CADM2: variants seen among roughly 807,000 people sequenced by gnomAD.
CADM2 encodes the protein immunoglobulin superfamily member 4D.
Under a neutral mutation model 49.8 loss-of-function variants are expected in CADM2, and 12 were observed. The observed-to-expected ratio is 0.24, with a 90% CI of 0.15 to 0.39. The LOEUF is 0.39. CADM2 is among the 10% of genes least tolerant of loss of function. The pLI is 1.00. For missense variants in CADM2, 378 were observed against 492.3 expected, an observed-to-expected ratio of 0.77 and a Z score of 2.20; for synonymous variants, 214 against 175.4, an observed-to-expected ratio of 1.22 and a Z score of -1.74.
At chr3:85,673,379 C>T (rs1577061943) in intron 1 of CADM2, among the ~76,000 whole-genome samples, 1 of 151,952 alleles carries the variant, frequency 6.6e-6, no homozygotes, top group African/African-American at 2.4e-5. Flanking sequence ...ACAGGGTAGT[C>T]TCCAGGGGCT....
At chr3:85,930,641 ACT>A (rs1411505084) in intron 6 of CADM2, among the ~76,000 whole-genome samples, 14 of 151,806 alleles carry the variant, frequency 9.2e-5, no homozygotes, top group Admixed American at 2.6e-4. Flanking sequence ...CCATCCTTCT[ACT>A]CTCTATGATT....
intron 2 of CADM2, among the ~76,000 whole-genome samples, chr3:85,757,277 A>G (rs2069165809): frequency 6.6e-6 from 1 of 152,136 alleles, no homozygotes; most frequent in Non-Finnish European, 1.5e-5. Context: ...GTATTTGTTC[A>G]TGCTTTAACT....
At chr3:85,936,246 C>T (rs1274551631) in intron 7 of CADM2, among the ~76,000 whole-genome samples, 1 of 151,686 alleles carries the variant, frequency 6.6e-6, no homozygotes, top group Non-Finnish European at 1.5e-5. Context: ...TTTAAAGTTA[C>T]AAGAAGACTC....
chr3:86,042,464 A>C (rs1323436948), intron 8 of CADM2, among the ~76,000 whole-genome samples: 6 of 152,212 alleles, frequency 3.9e-5, no homozygotes, highest in Non-Finnish European at 7.3e-5. Context: ...CATGCATATA[A>C]ATTAGAAAAT....
chr3:85,618,396 G>A (rs571781238), intron 1 of CADM2, among the ~76,000 whole-genome samples: 2 of 152,128 alleles, frequency 1.3e-5, no homozygotes, highest in African/African-American at 4.8e-5. Context: ...GTAGCTAAGA[G>A]TCATTAAAGT....
chr3:85,988,751 T>A (rs978046241), intron 8 of CADM2, among the ~76,000 whole-genome samples: 12 of 152,198 alleles, frequency 7.9e-5, no homozygotes, highest in Non-Finnish European at 1.6e-4. Flanking sequence ...TCAGTTATAA[T>A]AAATTAAAAT....
chr3:86,050,609 C>T (rs1256001177), intron 8 of CADM2, among the ~76,000 whole-genome samples: 1 of 152,196 alleles, frequency 6.6e-6, no homozygotes, highest in East Asian at 1.9e-4. Context: ...CAGGCTTTTC[C>T]ATACATCCTC....
chr3:85,451,891 G>A (rs1384287542), intron 1 of CADM2, among the ~76,000 whole-genome samples: 2 of 152,040 alleles, frequency 1.3e-5, no homozygotes, highest in African/African-American at 4.8e-5. Context: ...TGATATGGAA[G>A]CATTTATTTA....
intron 1 of CADM2, among the ~76,000 whole-genome samples, chr3:85,014,803 AT>A (rs1283656803): frequency 6.6e-6 from 1 of 152,126 alleles, no homozygotes; most frequent in African/African-American, 2.4e-5. Context: ...AGGAAATTAC[AT>A]ACCATCAATG....
At chr3:85,660,254 C>T (rs1482171294) in intron 1 of CADM2, among the ~76,000 whole-genome samples, 1 of 152,054 alleles carries the variant, frequency 6.6e-6, no homozygotes, top group African/African-American at 2.4e-5. Flanking sequence ...AGTTTCTATT[C>T]TCCCTAAATG....
At chr3:85,080,367 A>C (rs2037117398) in intron 1 of CADM2, among the ~76,000 whole-genome samples, 1 of 152,010 alleles carries the variant, frequency 6.6e-6, no homozygotes, top group African/African-American at 2.4e-5. Flanking sequence ...TGTTTAGTCG[A>C]TATGTCAGGA....
At chr3:85,589,654 A>G (rs1157564564) in intron 1 of CADM2, among the ~76,000 whole-genome samples, 2 of 152,098 alleles carry the variant, frequency 1.3e-5, no homozygotes, top group East Asian at 1.9e-4. Flanking sequence ...ATTGATATTT[A>G]CATACAGTTT....
intron 1 of CADM2, among the ~76,000 whole-genome samples, chr3:85,382,898 G>T (rs2033984095): frequency 1.3e-5 from 2 of 152,128 alleles, no homozygotes; most frequent in Non-Finnish European, 2.9e-5. Context: ...TACGAGTGCT[G>T]TTAAATCAAA....
intron 1 of CADM2, among the ~76,000 whole-genome samples, chr3:85,042,882 A>G (rs114413517): frequency 2.0e-4 from 30 of 152,304 alleles, no homozygotes; most frequent in African/African-American, 7.0e-4. Flanking sequence ...AGACAGATTA[A>G]TAGGCGGTAA....
chr3:85,091,852 A>G (rs932297015), intron 1 of CADM2, among the ~76,000 whole-genome samples: 22 of 152,144 alleles, frequency 1.4e-4, no homozygotes, highest in African/African-American at 5.1e-4. Context: ...TGCTTACTGC[A>G]GCCACTGAGT....
At chr3:85,687,155 T>G (rs189045177) in intron 1 of CADM2, among the ~76,000 whole-genome samples, 2 of 152,346 alleles carry the variant, frequency 1.3e-5, no homozygotes, top group East Asian at 3.9e-4. Context: ...TCAGCTGAAT[T>G]AAATAGGTCG....
chr3:85,799,889 G>C (rs755847242), intron 2 of CADM2: 2 of 152,532 alleles, frequency 1.3e-5, no homozygotes, highest in Non-Finnish European at 2.9e-5. Flanking sequence ...GAGGCAATCT[G>C]TCCCTTAGCA....
intron 8 of CADM2, among the ~76,000 whole-genome samples, chr3:85,995,877 C>T (rs1211412571): frequency 6.6e-6 from 1 of 151,952 alleles, no homozygotes; most frequent in African/African-American, 2.4e-5. Context: ...ATCACGAGGT[C>T]AGGAGATCAA....
chr3:85,855,224 A>G (rs1486757969), intron 3 of CADM2, among the ~76,000 whole-genome samples: 1 of 152,138 alleles, frequency 6.6e-6, no homozygotes, highest in Non-Finnish European at 1.5e-5. Context: ...CACCCTCACT[A>G]GAACACAGTA....
Sources: gnomAD v4.1 joint callset for allele counts (sites outside exome capture counted in the v4.1 genomes callset) on GRCh38, gnomAD v4.1.1 for gene constraint, MANE v1.5 for transcripts, NCBI Gene and HGNC (gene_info 2026-07-23, HGNC 2026-07-21) for gene names.